The following RBM33 variants were observed in gnomAD, a reference collection of about 807,000 sequenced individuals.
RBM33 encodes the protein RNA binding motif protein 33.
RBM33 carries 28 observed loss-of-function variants against 132.6 expected under a neutral mutation model. The observed-to-expected ratio is 0.21, with a 90% CI of 0.16 to 0.29. The LOEUF (loss-of-function observed/expected upper bound fraction) is 0.29, where lower values mean the gene tolerates loss of function less well. RBM33 is among the 10% of genes least tolerant of loss of function. The pLI is 1.00. For synonymous variants in RBM33, 634 were observed against 593.0 expected (o/e 1.07, Z -1.01); for missense variants, 1,291 against 1,518.5 (o/e 0.85, Z 2.49).
At chr7:155,647,585 C>G (rs544662582) in intron 1 of RBM33, among the ~76,000 whole-genome samples, 10 of 152,274 alleles carry the variant, frequency 6.6e-5, no homozygotes, top group Admixed American at 5.2e-4. Flanking sequence ...TGTGCACCAG[C>G]ACGCCTGGCT....
At chr7:155,704,272 T>G (rs79130966) in intron 6 of RBM33, among the ~76,000 whole-genome samples, 3,255 of 152,286 alleles carry the variant, frequency 0.021, 122 homozygotes, top group African/African-American at 0.074. Flanking sequence ...ATTGACTAGC[T>G]TTTTTTGCTC....
At chr7:155,756,674 G>A (rs768874672) in intron 14 of RBM33, among the ~76,000 whole-genome samples, 8 of 152,136 alleles carry the variant, frequency 5.3e-5, no homozygotes, top group South Asian at 2.1e-4. Context: ...ATCTGAGCAC[G>A]TTGGAAACCC....
At chr7:155,760,159 AT>A (rs1801989001) in intron 14 of RBM33, among the ~76,000 whole-genome samples, 1 of 152,316 alleles carries the variant, frequency 6.6e-6, no homozygotes, top group Admixed American at 6.5e-5. Context: ...TGCATGAGAC[AT>A]TTTGGTAAGC....
intron 14 of RBM33, among the ~76,000 whole-genome samples, chr7:155,763,049 C>T (rs923286366): frequency 2.0e-5 from 3 of 152,220 alleles, no homozygotes; most frequent in South Asian, 2.1e-4. Flanking sequence ...ATTGGTGGTG[C>T]AGTTCCAAGG....
chr7:155,774,880 T>A lies in RBM33; in HGVS notation c.3465-113T>A. The A allele has an allele frequency of 2.1e-6, 2 of 943,728 alleles. No homozygotes were observed. The highest frequency in any genetic ancestry group is 2.2e-5 in the Admixed American group (1 of 45,882). The allele number at this position is 943,728 out of a possible 1,614,324, so 58.5% of individuals were successfully genotyped here. A position where few individuals can be genotyped will look rare whatever the true frequency, so the allele number is the denominator to read the frequency against. ...TTCCCGGGGAATCTGCCTTTTTATATGATGCGTTTTTATTAAACAGGACCC... is the reference window on the plus strand; with the variant it reads ...TTCCCGGGGAATCTGCCTTTTTATAAGATGCGTTTTTATTAAACAGGACCC... On this transcript the variant is annotated intron_variant, in intron 17 of 17. Transcript: ENST00000401878. This position sits in a 1 kb window ranked among gnomAD's most constrained non-coding sequence, Gnocchi z 4.2.
chr7:155,728,077 C>A (rs1032507231), intron 9 of RBM33, among the ~76,000 whole-genome samples: 12 of 152,128 alleles, frequency 7.9e-5, no homozygotes, highest in African/African-American at 2.4e-4. Flanking sequence ...GCTGAGGCAA[C>A]CCTTTTCACT....
At chr7:155,664,885 T>G (rs924390678) in intron 1 of RBM33, among the ~76,000 whole-genome samples, 5 of 151,212 alleles carry the variant, frequency 3.3e-5, no homozygotes, top group African/African-American at 4.9e-5. Flanking sequence ...CAAAACCCAT[T>G]TTATAAAGAA....
chr7:155,655,534 CTTTTTTT>C (rs756948005), intron 1 of RBM33, among the ~76,000 whole-genome samples: 2 of 80,116 alleles, frequency 2.5e-5, no homozygotes, highest in African/African-American at 1.0e-4. Context: ...GGCTGTTTGC[CTTTTTTT>C]TTTTTTTTTT....
Position 155,731,254 on chromosome 7 carries a change from G to A in RBM33, c.1261-6276G>A, listed in dbSNP as rs1585500076. ...GGAAAGAAGGTTTATAAAGAGTCCT[G>A]CTGCAGCAGCCGCATGGCCAGTGCT... is the stretch of plus-strand genomic sequence containing the variant. On this transcript the variant is annotated intron_variant, in intron 9 of 17. Transcript: ENST00000401878. 4.6e-5 allele frequency among the ~76,000 whole-genome samples: 7 copies of A among 152,326 alleles called. No individual in the cohort carries two copies. In the East Asian group the frequency reaches 1.3e-3, roughly 29 times the overall value.
rs191897465 is a variant in RBM33, at chr7:155,723,268, G to A, written c.1260+4825G>A. On this transcript the variant is annotated intron_variant, in intron 9 of 17. Coordinates refer to ENST00000401878, the MANE Select transcript of RBM33 (RefSeq NM_053043.3). ...GACTTTATTCCATCCAGGAAAGAACGTCTTGCTTTTGAACACCTACTGTTT... is the reference window on the plus strand; with the variant it reads ...GACTTTATTCCATCCAGGAAAGAACATCTTGCTTTTGAACACCTACTGTTT... Among the ~76,000 whole-genome samples, 12 of 152,290 alleles carry A rather than the reference G, an allele frequency of 7.9e-5. No homozygotes were observed. The East Asian group carries it at 1.5e-3, about 20-fold the overall frequency.
chr7:155,720,357 G>C (rs1563159838), intron 9 of RBM33, among the ~76,000 whole-genome samples: 1 of 152,138 alleles, frequency 6.6e-6, no homozygotes, highest in East Asian at 1.9e-4. Context: ...TTTTCCCTTA[G>C]AGAAAATCAT....
intron 8 of RBM33, among the ~76,000 whole-genome samples, chr7:155,714,751 T>C (rs987121334): frequency 6.6e-6 from 1 of 151,898 alleles, no homozygotes; most frequent in Non-Finnish European, 1.5e-5. Flanking sequence ...TTCCTAAGGG[T>C]GTGGGAGAGA....
intron 7 of RBM33, chr7:155,707,515 A>T: frequency 3.1e-6 from 1 of 326,712 alleles, no homozygotes; most frequent in South Asian, 2.5e-5. Context: ...GTTTCTCAGA[A>T]TTATTAACAT....
intron 6 of RBM33, among the ~76,000 whole-genome samples, chr7:155,706,218 G>A (rs751559520): frequency 2.0e-5 from 3 of 152,182 alleles, no homozygotes; most frequent in Admixed American, 6.5e-5. Context: ...CAGGCTGGGC[G>A]CGGTGGCTCA....
intron 14 of RBM33, among the ~76,000 whole-genome samples, chr7:155,749,640 C>T (rs1801632028): frequency 6.6e-6 from 1 of 152,140 alleles, no homozygotes; most frequent in South Asian, 2.1e-4. Flanking sequence ...TTTTGGTTGC[C>T]AGTGCAACAG....
chr7:155,775,814 C>G lies in RBM33; in HGVS notation c.*773C>G, dbSNP rs1245522634. On this transcript the variant is annotated 3_prime_UTR_variant, in exon 18 of 18. Coordinates refer to ENST00000401878, the MANE Select transcript of RBM33 (RefSeq NM_053043.3). The stretch of plus-strand genomic sequence containing the variant: ...ACCTGGCAGCCCTCTGGCCTAGTTC[C>G]CACCACACATGAGGTGGTGGAATGG... 2.6e-5 allele frequency: 4 copies of G among 152,682 alleles called. No homozygotes were observed. The highest frequency in any genetic ancestry group is 9.6e-5 in the African/African-American group (4 of 41,462). 9.5% of individuals were successfully genotyped at this position (152,682 alleles called of 1,614,324 possible). A position where few individuals can be genotyped will look rare whatever the true frequency, so the allele number is the denominator to read the frequency against.
In RBM33 at chr7:155,661,146, A is replaced by ATATATTT. The variant is rs1421586760; in HGVS notation, c.44-4028_44-4027insATATTTT. Reference sequence around the variant, plus strand: ...TGTGTGTGTGTATATATATATATATATTTTTTTTTTTTTGAGACAGAGTCT... The same window carrying ATATATTT: ...TGTGTGTGTGTATATATATATATATATATATTTTTTTTTTTTTTTTGAGACAGAGTCT... On this transcript the variant is annotated intron_variant, in intron 1 of 17. Coordinates refer to ENST00000401878, the MANE Select transcript of RBM33 (RefSeq NM_053043.3). Among the ~76,000 whole-genome samples the ATATATTT allele has an allele frequency of 4.3e-3, 349 of 81,124 alleles. 9 individuals are homozygous for ATATATTT. The highest frequency in any genetic ancestry group is 8.2e-3 in the African/African-American group (198 of 24,048). 53.2% of individuals were successfully genotyped at this position (81,124 alleles called of 152,430 possible). A position where few individuals can be genotyped will look rare whatever the true frequency, so the allele number is the denominator to read the frequency against.
rs1040121964 is a variant in RBM33 at position 155,727,732 on chromosome 7, C to G, written c.1260+9289C>G. On this transcript the variant is annotated intron_variant, in intron 9 of 17. Coordinates refer to ENST00000401878, the MANE Select transcript of RBM33 (RefSeq NM_053043.3). ...GCCCAGGTGAGCTCTCCCTTCTGTC[C>G]AATAGCATCTGACATTGCCAAAAAG... Among the ~76,000 whole-genome samples the G allele has an allele frequency of 6.6e-5, 10 of 152,322 alleles. No individual in the cohort carries two copies. In the East Asian group the frequency reaches 1.7e-3, roughly 26 times the overall value.
chr7:155,739,014 G>A (rs559846613), intron 11 of RBM33: 1 of 152,412 alleles, frequency 6.6e-6, no homozygotes, highest in African/African-American at 2.4e-5. Flanking sequence ...ACATAGCGAT[G>A]GTAAACTTGA....
Sources: allele counts gnomAD v4.1 joint callset (sites outside exome capture counted in the v4.1 genomes callset), GRCh38; gene constraint gnomAD v4.1.1; non-coding constraint Gnocchi (gnomAD v3.1); transcripts MANE v1.5; gene names NCBI Gene and HGNC (gene_info 2026-07-23, HGNC 2026-07-21).